The following CA2 variants were observed in gnomAD, a reference collection of about 807,000 sequenced individuals.
CA2 encodes carbonate dehydratase II.
CA2 carries 23 observed loss-of-function variants against 27.8 expected under a neutral mutation model. The ratio of observed to expected loss-of-function variants is 0.83; its 90% CI spans 0.59 to 1.17. CA2 has a LOEUF of 1.17. CA2 is among the 50% of genes most tolerant of loss of function. CA2 has a pLI of 0.00. For synonymous variants in CA2, 99 were observed against 114.9 expected, an observed-to-expected ratio of 0.86 and a Z score of 0.88; for missense variants, 300 against 314.7, an observed-to-expected ratio of 0.95 and a Z score of 0.35.
intron 2 of CA2, among the ~76,000 whole-genome samples, chr8:85,472,486 G>T (rs1297480880): frequency 2.0e-5 from 3 of 152,016 alleles, no homozygotes; most frequent in African/African-American, 7.3e-5. Context: ...TGTAGCCGAT[G>T]GATGTGATTT....
At chr8:85,477,017 T>G (rs1811811149) in intron 5 of CA2, 103 bp from the exon 6 acceptor site, 2 of 1,098,150 alleles carry the variant, frequency 1.8e-6, no homozygotes, top group Non-Finnish European at 2.8e-6. Flanking sequence ...AAAGTGTTTT[T>G]GACCATCAGA....
Position 85,465,468 on chromosome 8 carries a change from A to AGGT in CA2, c.232_232+2dup. 9 of 1,612,950 alleles carry AGGT rather than the reference A, an allele frequency of 5.6e-6. No individual in the cohort carries two copies. Among genetic ancestry groups the AGGT allele is most frequent in the Non-Finnish European group, 7.6e-6 (9 of 1,179,190 alleles). ...AGTTTGATGACTCTCAGGACAAAGC[A>AGGT]GGTCAGTGTTTAGAAAATAACTTGT... On this transcript the variant is annotated inframe_insertion and splice_region_variant, in exon 2 of 7. Transcript: ENST00000285379.
intron 5 of CA2, among the ~76,000 whole-genome samples, chr8:85,476,894 G>A (rs1811808839): frequency 6.6e-6 from 1 of 151,342 alleles, no homozygotes; most frequent in Admixed American, 6.6e-5. Flanking sequence ...ATGGACATGT[G>A]AAAATAGTTT....
rs1419047657 is a variant in CA2, at chr8:85,474,422, T to C, written c.444+6T>C. The stretch of plus-strand genomic sequence containing the variant: ...TTCTAGGTATTTTTTTGAAGGTTAG[T>C]TGATGACCCAATTCTTTTTTTTCCC... On this transcript the variant is annotated splice_donor_region_variant and intron_variant, in intron 4 of 6. Coordinates refer to ENST00000285379, the MANE Select transcript of CA2 (RefSeq NM_000067.3). 1.3e-6 allele frequency: 2 copies of C among 1,595,452 alleles called. No homozygotes were observed. The highest frequency in any genetic ancestry group is 1.7e-6 in the Non-Finnish European group (2 of 1,163,122).
rs1300606062 is a variant in CA2 at position 85,473,787 on chromosome 8, G to A, written c.327G>A (p.Val109=). The A allele has an allele frequency of 6.3e-6, 10 of 1,591,296 alleles. No homozygotes were observed. The highest frequency in any genetic ancestry group is 8.6e-6 in the Non-Finnish European group (10 of 1,159,352). Residue 109 remains valine, a synonymous_variant, in exon 3 of 7, where the codon GTG becomes GTA. Coordinates refer to ENST00000285379, the MANE Select transcript of CA2 (RefSeq NM_000067.3). ...SLDGQGSEHT[V]DKKKYAAELH... The stretch of plus-strand genomic sequence containing the variant: ...ATGGACAAGGTTCAGAGCATACTGT[G>A]GATAAAAAGAAATATGCTGCAGAAG...
In CA2 at chr8:85,475,695, G is replaced by T. The variant is rs1402307602; in HGVS notation, c.445-103G>T. 4.0e-6 allele frequency: 4 copies of T among 1,000,062 alleles called. No homozygotes were observed. The African/African-American group carries it at 6.4e-5, about 16-fold the overall frequency. 61.9% of individuals were successfully genotyped at this position (1,000,062 alleles called of 1,614,324 possible). A position where few individuals can be genotyped will look rare whatever the true frequency, so the allele number is the denominator to read the frequency against. On this transcript the variant is annotated intron_variant, in intron 4 of 6. Transcript: ENST00000285379. ...GTCATGTATGAAGTGGAGAATTTGG[G>T]CTCACTATTTGGATGTTTTCTAATA... is the stretch of plus-strand genomic sequence containing the variant.
chr8:85,465,218 G>C lies in CA2; in HGVS notation c.35-54G>C, dbSNP rs572658009. ...CCGGAATGATTGCTCTTCTCTAGGG[G>C]TCTGGGTGTACCTTTCCCCACAATG... On this transcript the variant is annotated intron_variant, in intron 1 of 6. Transcript: ENST00000285379. 8 of 1,413,244 alleles carry C rather than the reference G, an allele frequency of 5.7e-6. No homozygotes were observed. In the African/African-American group the frequency reaches 7.0e-5, roughly 12 times the overall value. 87.5% of individuals were successfully genotyped at this position (1,413,244 alleles called of 1,614,324 possible). A position where few individuals can be genotyped will look rare whatever the true frequency, so the allele number is the denominator to read the frequency against.
At chr8:85,473,431 T>A (rs1811738450) in intron 2 of CA2, 1 of 579,314 alleles carries the variant, frequency 1.7e-6, no homozygotes, top group Non-Finnish European at 3.2e-6. Context: ...GTGAAAAACA[T>A]CCATTCTCCA....
At chr8:85,474,909 TCATC>T (rs1372601931) in intron 4 of CA2, among the ~76,000 whole-genome samples, 1 of 152,006 alleles carries the variant, frequency 6.6e-6, no homozygotes, top group South Asian at 2.1e-4. Flanking sequence ...GTGTATGAAA[TCATC>T]CAAGTACAGC....
chr8:85,475,396 A>AAAAC (rs1811780145), intron 4 of CA2, among the ~76,000 whole-genome samples: 1 of 149,898 alleles, frequency 6.7e-6, no homozygotes, highest in Admixed American at 6.7e-5. Context: ...AAAAAAAAAA[A>AAAAC]GCGAGAGTCA....
At chr8:85,471,884 A>G (rs140402715) in intron 2 of CA2, among the ~76,000 whole-genome samples, 1 of 152,326 alleles carries the variant, frequency 6.6e-6, no homozygotes, top group Non-Finnish European at 1.5e-5. Flanking sequence ...AAACTGTTGT[A>G]ATAAGTTGTT....
At chr8:85,475,353 A>G (rs1245795311) in intron 4 of CA2, among the ~76,000 whole-genome samples, 1 of 135,432 alleles carries the variant, frequency 7.4e-6, no homozygotes, top group Non-Finnish European at 1.5e-5. Context: ...GCTGGATGAC[A>G]GAGCAAGACT....
intron 2 of CA2, among the ~76,000 whole-genome samples, chr8:85,468,006 C>T (rs190064505): frequency 2.6e-5 from 4 of 152,326 alleles, no homozygotes; most frequent in African/African-American, 9.6e-5. Context: ...CTCTCCTGTT[C>T]CCCGGAGCCC....
chr8:85,466,675 TACATAC>T (rs745651099), intron 2 of CA2, among the ~76,000 whole-genome samples: 21 of 69,672 alleles, frequency 3.0e-4, no homozygotes, highest in Admixed American at 8.3e-4. Context: ...CATACATACA[TACATAC>T]ACACACACAC....
chr8:85,465,373 C>G lies in CA2; in HGVS notation c.136C>G (p.Pro46Ala). The G allele has an allele frequency of 1.2e-6, 2 of 1,614,086 alleles. No individual in the cohort carries two copies. Among genetic ancestry groups the G allele is most frequent in the Non-Finnish European group, 1.7e-6 (2 of 1,179,908 alleles). Residue 46 changes from proline to alanine, a missense_variant, in exon 2 of 7, where the codon CCC becomes GCC. Pro to Ala is a conservative substitution (Grantham distance 27). Transcript: ENST00000285379. ...AGCCAAGTATGACCCTTCCCTGAAG[C>G]CCCTGTCTGTTTCCTATGATCAAGC... Reference protein sequence around the residue: ...HTAKYDPSLKPLSVSYDQATS... With the variant: ...HTAKYDPSLKALSVSYDQATS...
At position 85,477,802 on chromosome 8, in the gene CA2, T is replaced by C. The variant is rs187996012; in HGVS notation, c.663+527T>C. On this transcript the variant is annotated intron_variant, in intron 6 of 6. Coordinates refer to ENST00000285379, the MANE Select transcript of CA2 (RefSeq NM_000067.3). ...GTATTCTTACATTTCCAATAAAATA[T>C]AGTGTGTGATCGTCAAGTGATTAGT... Among the ~76,000 whole-genome samples the C allele has an allele frequency of 1.1e-4, 16 of 152,342 alleles. No individual in the cohort carries two copies. In the East Asian group the frequency reaches 2.7e-3, roughly 26 times the overall value.
Position 85,480,785 on chromosome 8 carries a change from A to G in CA2, c.779A>G (p.Lys260Arg), listed in dbSNP as rs773785585. The G allele has an allele frequency of 1.1e-5, 17 of 1,613,682 alleles. No homozygotes were observed. Among genetic ancestry groups the G allele is most frequent in the African/African-American group, 5.3e-5 (4 of 74,868 alleles). Residue 260 changes from lysine (K) to arginine (R), a missense_variant, in exon 7 of 7, where the codon AAA becomes AGA. Physicochemically the swap from Lys to Arg is conservative, Grantham distance 26. Coordinates refer to ENST00000285379, the MANE Select transcript of CA2 (RefSeq NM_000067.3). Reference sequence around the variant, plus strand: ...AACAGGCAAATCAAAGCTTCCTTCAAATAAGATGGTCCCATAGTCTGTATC... The same window carrying G: ...AACAGGCAAATCAAAGCTTCCTTCAGATAAGATGGTCCCATAGTCTGTATC... ...LKNRQIKASF[K>R]
intron 6 of CA2, among the ~76,000 whole-genome samples, chr8:85,477,619 A>G (rs2130565113): frequency 6.6e-6 from 1 of 151,646 alleles, no homozygotes; most frequent in Admixed American, 6.6e-5. Context: ...TTACGCAGGT[A>G]TCAGTGAGTT....
chr8:85,468,781 A>ACC (rs889504589), intron 2 of CA2, among the ~76,000 whole-genome samples: 3 of 146,962 alleles, frequency 2.0e-5, no homozygotes, highest in African/African-American at 8.1e-5. Context: ...CAAACAAAAA[A>ACC]CCACACACAC....
Sources: gnomAD v4.1 joint callset for allele counts (sites outside exome capture counted in the v4.1 genomes callset) on GRCh38, gnomAD v4.1.1 for gene constraint, MANE v1.5 for transcripts, NCBI Gene and HGNC (gene_info 2026-07-23, HGNC 2026-07-21) for gene names.